GMDS: variants seen among roughly 807,000 people sequenced by gnomAD.
GMDS encodes GDP-mannose 4,6 dehydratase.
A neutral mutation model predicts 49.9 loss-of-function variants in GMDS; 20 were observed. The ratio of observed to expected loss-of-function variants is 0.40; its 90% CI spans 0.28 to 0.58. The LOEUF (loss-of-function observed/expected upper bound fraction) is 0.58. Among genes scored for constraint, GMDS ranks in the 20% least tolerant of loss-of-function variants. The pLI is 0.42. For synonymous variants in GMDS, 177 were observed against 178.6 expected (o/e 0.99, Z 0.07); for missense variants, 362 against 481.4 (o/e 0.75, Z 2.32).
rs577920144 is a variant in GMDS, at chr6:1,624,623, G to A, written c.988-83C>T. 75 of 934,836 alleles carry A rather than the reference G, an allele frequency of 8.0e-5. No homozygotes were observed. The Admixed American group carries it at 1.1e-3, about 14-fold the overall frequency. The allele number at this position is 934,836 out of a possible 1,614,324, so 57.9% of individuals were successfully genotyped here. A position where few individuals can be genotyped will look rare whatever the true frequency, so the allele number is the denominator to read the frequency against. On this transcript the variant is annotated intron_variant, in intron 9 of 10. Transcript: ENST00000380815. ...GTCCCGAGCCCCGGGAACTCCCACC[G>A]TTCCGCTCCCTCTGGGCGCACAAGG...
chr6:1,759,070 G>C (rs1440097458), intron 7 of GMDS, among the ~76,000 whole-genome samples: 4 of 152,088 alleles, frequency 2.6e-5, no homozygotes, highest in Non-Finnish European at 1.5e-5. Context: ...CTACAGGTGT[G>C]CGCCACCACG....
intron 4 of GMDS, among the ~76,000 whole-genome samples, chr6:2,085,397 G>A (rs1772953566): frequency 6.6e-6 from 1 of 152,082 alleles, no homozygotes; most frequent in South Asian, 2.1e-4. Flanking sequence ...AAATAACTCT[G>A]ATTATAATAT....
In GMDS at chr6:2,191,269, G is replaced by A. The variant is rs1034389380; in HGVS notation, c.102+54052C>T. On this transcript the variant is annotated intron_variant, in intron 1 of 10. Coordinates refer to ENST00000380815, the MANE Select transcript of GMDS (RefSeq NM_001500.4). This position sits in a 1 kb window ranked among gnomAD's most constrained non-coding sequence, Gnocchi z 4.6. ...CACCCCCTGGGGAAGGGCCGCAAGCGGGATGAGGGGGAGCTCTAGGCTGCC... is the reference window on the plus strand; with the variant it reads ...CACCCCCTGGGGAAGGGCCGCAAGCAGGATGAGGGGGAGCTCTAGGCTGCC... Among the ~76,000 whole-genome samples, 4 of 152,274 alleles carry A rather than the reference G, an allele frequency of 2.6e-5. No homozygotes were observed. The highest frequency in any genetic ancestry group is 1.9e-4 in the East Asian group (1 of 5,172).
chr6:2,108,553 C>T (rs1296042894), intron 4 of GMDS, among the ~76,000 whole-genome samples: 1 of 152,118 alleles, frequency 6.6e-6, no homozygotes. Flanking sequence ...TCTAGCTATT[C>T]AAATACTCTT....
At chr6:1,699,533 G>T (rs1021616181) in intron 9 of GMDS, among the ~76,000 whole-genome samples, 2 of 152,124 alleles carry the variant, frequency 1.3e-5, no homozygotes, top group African/African-American at 4.8e-5. Flanking sequence ...CTCCCGGAAA[G>T]AACCCGTTCC....
At chr6:2,099,114 A>C (rs1156281776) in intron 4 of GMDS, among the ~76,000 whole-genome samples, 1 of 152,132 alleles carries the variant, frequency 6.6e-6, no homozygotes, top group Non-Finnish European at 1.5e-5. Flanking sequence ...ACGTTTAACC[A>C]CTATTTTTAC....
intron 4 of GMDS, among the ~76,000 whole-genome samples, chr6:2,039,790 A>T (rs1769543987): frequency 6.6e-6 from 1 of 152,146 alleles, no homozygotes; most frequent in South Asian, 2.1e-4. Context: ...ACCCGCCTAA[A>T]GCTGTTTTAT....
At chr6:2,060,882 T>C (rs1249327402) in intron 4 of GMDS, among the ~76,000 whole-genome samples, 1 of 151,756 alleles carries the variant, frequency 6.6e-6, no homozygotes, top group Non-Finnish European at 1.5e-5. Flanking sequence ...TAGCCGGGCG[T>C]AGTGGCAGGC....
intron 7 of GMDS, among the ~76,000 whole-genome samples, chr6:1,827,642 AT>A (rs1013097384): frequency 6.6e-6 from 1 of 151,844 alleles, no homozygotes; most frequent in Non-Finnish European, 1.5e-5. Flanking sequence ...AATTGCACAT[AT>A]TTTTTTTGGC....
chr6:1,731,276 CAGAA>C (rs1766792918), intron 8 of GMDS, among the ~76,000 whole-genome samples: 3 of 152,142 alleles, frequency 2.0e-5, no homozygotes, highest in African/African-American at 7.2e-5. Context: ...ACAGGATTTC[CAGAA>C]AGAGAGTACA....
intron 7 of GMDS, among the ~76,000 whole-genome samples, chr6:1,853,879 T>C (rs1424922155): frequency 6.6e-6 from 1 of 152,210 alleles, no homozygotes; most frequent in East Asian, 1.9e-4. Flanking sequence ...ATGCAAGGTG[T>C]ATTTTTAATT....
chr6:2,062,456 C>T (rs1771241463), intron 4 of GMDS, among the ~76,000 whole-genome samples: 1 of 152,106 alleles, frequency 6.6e-6, no homozygotes, highest in African/African-American at 2.4e-5. Flanking sequence ...CTTAAGATCA[C>T]TGGGACTGAC....
intron 4 of GMDS, among the ~76,000 whole-genome samples, chr6:2,023,927 G>A (rs529322305): frequency 6.6e-6 from 1 of 152,264 alleles, no homozygotes; most frequent in Non-Finnish European, 1.5e-5. Flanking sequence ...AAGGAGACAT[G>A]GTTGAGAATT....
chr6:1,874,287 A>T (rs1035836484), intron 7 of GMDS, among the ~76,000 whole-genome samples: 4 of 152,188 alleles, frequency 2.6e-5, no homozygotes, highest in African/African-American at 9.7e-5. Flanking sequence ...TATAGAAAAA[A>T]CGGTGGAGAA....
At chr6:1,811,210 T>G (rs1770415275) in intron 7 of GMDS, among the ~76,000 whole-genome samples, 1 of 152,212 alleles carries the variant, frequency 6.6e-6, no homozygotes, top group African/African-American at 2.4e-5. Flanking sequence ...AAATAATTAT[T>G]TAAGATCTTT....
At chr6:1,888,135 T>TTTA (rs71738477) in intron 7 of GMDS, among the ~76,000 whole-genome samples, 20 of 87,872 alleles carry the variant, frequency 2.3e-4, no homozygotes, top group Admixed American at 5.5e-4. Flanking sequence ...ATTATTATTA[T>TTTA]TTTTTTTTTT....
chr6:1,680,032 A>G (rs891122464), intron 9 of GMDS: 5 of 152,258 alleles, frequency 3.3e-5, no homozygotes, highest in African/African-American at 9.6e-5. Context: ...ACATTGAACA[A>G]ATACCTGCCA....
At chr6:1,846,032 T>C (rs1410431218) in intron 7 of GMDS, among the ~76,000 whole-genome samples, 3 of 151,930 alleles carry the variant, frequency 2.0e-5, no homozygotes, top group Non-Finnish European at 4.4e-5. Flanking sequence ...GTGGTCTTTT[T>C]GATAATATTA....
At chr6:2,077,682 G>A (rs928322656) in intron 4 of GMDS, among the ~76,000 whole-genome samples, 6 of 152,080 alleles carry the variant, frequency 3.9e-5, no homozygotes, top group Non-Finnish European at 8.8e-5. Flanking sequence ...GAATCAGTTT[G>A]CCAGTATTCT....
Sources: gnomAD v4.1 joint callset for allele counts (sites outside exome capture counted in the v4.1 genomes callset) on GRCh38, gnomAD v4.1.1 for gene constraint, Gnocchi (gnomAD v3.1) non-coding constraint, MANE v1.5 for transcripts, NCBI Gene and HGNC (gene_info 2026-07-23, HGNC 2026-07-21) for gene names.